Variants in CLEC1B observed in about 807,000 individuals in gnomAD.
CLEC1B encodes C-type lectin domain family 1 member B.
Under a neutral mutation model 26.7 loss-of-function variants are expected in CLEC1B, and 26 were observed. That is an observed-to-expected ratio of 0.97 (90% CI 0.71 to 1.35). CLEC1B has a LOEUF of 1.35. Ranked by LOEUF, CLEC1B falls within the 40% of genes most tolerant of loss-of-function variation. The pLI, the probability that CLEC1B is intolerant of heterozygous loss-of-function variation, is 0.00. For synonymous variants in CLEC1B, 112 were observed against 96.0 expected, an observed-to-expected ratio of 1.17 and a Z score of -0.97; for missense variants, 293 against 282.6, an observed-to-expected ratio of 1.04 and a Z score of -0.26.
At chr12:9,995,889 A>G (rs2137238856) in intron 4 of CLEC1B, among the ~76,000 whole-genome samples, 1 of 152,278 alleles carries the variant, frequency 6.6e-6, no homozygotes, top group South Asian at 2.1e-4. Flanking sequence ...TGTCGAGGTT[A>G]AGCATTTTTC....
At chr12:10,000,960 A>G (rs1865151386), upstream of CLEC1B, among the ~76,000 whole-genome samples, 1 of 152,242 alleles carries the variant, frequency 6.6e-6, no homozygotes, top group African/African-American at 2.4e-5. Context: ...AACAGAGAGA[A>G]AAGAAAATGT....
rs755832714 is a variant in CLEC1B, at chr12:9,995,221, A to C, written c.464T>G (p.Leu155Ter). ...GCGAGATAATCCGACCCAACGAATTAAATGAGTCCTGGCTTTGATGTACTC... is the reference window on the plus strand; with the variant it reads ...GCGAGATAATCCGACCCAACGAATTCAATGAGTCCTGGCTTTGATGTACTC... Reference protein sequence around the residue: ...IVEYIKARTHLIRWVGLSRQK... With the variant: ...IVEYIKARTH The change falls in exon 5 of 6, where the codon TTA becomes TGA. Residue 155 changes from leucine to a stop codon, truncating the protein, a stop_gained. Transcript: ENST00000298527. LOFTEE classifies it high-confidence loss of function. 6.2e-7 allele frequency: 1 copy of C among 1,613,066 alleles called. No homozygotes were observed. The highest frequency in any genetic ancestry group is 1.1e-5 in the South Asian group (1 of 91,074).
chr12:9,994,077 A>G (rs1235411002), intron 5 of CLEC1B, among the ~76,000 whole-genome samples: 5 of 152,118 alleles, frequency 3.3e-5, no homozygotes. Flanking sequence ...CTGTATGGAT[A>G]TGGGTTTAAG....
intron 4 of CLEC1B, chr12:9,995,450 T>C (rs1865018933): frequency 3.8e-6 from 2 of 524,304 alleles, no homozygotes; most frequent in Admixed American, 5.7e-5. Flanking sequence ...ACAGGTAAAA[T>C]TGTACACAAA....
intron 4 of CLEC1B, 60 bp from the exon 5 acceptor site, chr12:9,995,306 G>C (rs1285984455): frequency 7.2e-7 from 1 of 1,398,044 alleles, no homozygotes; most frequent in East Asian, 2.3e-5. Context: ...TGGTATGATA[G>C]ACAAAGCTTC....
intron 4 of CLEC1B, chr12:9,995,554 G>A: frequency 2.8e-6 from 1 of 358,888 alleles, no homozygotes; most frequent in Non-Finnish European, 5.4e-6. Context: ...TACCAAATAT[G>A]ATTCAAAGGA....
upstream of CLEC1B, among the ~76,000 whole-genome samples, chr12:10,001,396 C>T (rs561071056): frequency 6.6e-6 from 1 of 152,340 alleles, no homozygotes; most frequent in African/African-American, 2.4e-5. Context: ...CTTTCCATTG[C>T]TTCATTCCTC....
intron 1 of CLEC1B, among the ~76,000 whole-genome samples, 195 bp from the exon 2 acceptor site, chr12:9,998,575 T>C (rs1158891774): frequency 2.9e-5 from 4 of 138,960 alleles, no homozygotes; most frequent in African/African-American, 2.7e-5. Flanking sequence ...ACATCCATTC[T>C]CATCTCCAAT....
intron 4 of CLEC1B, 84 bp from the exon 5 acceptor site, chr12:9,995,330 G>T: frequency 8.7e-7 from 1 of 1,152,506 alleles, no homozygotes; most frequent in Non-Finnish European, 1.3e-6. Context: ...ATAAGACGTT[G>T]GACAAAAAAT....
chr12:9,993,126 C>T lies in CLEC1B; in HGVS notation c.*17G>A. The T allele has an allele frequency of 6.2e-7, 1 of 1,602,526 alleles. No individual in the cohort carries two copies. ...CAATAAAGCCCTTATCTGTGTTATC[C>T]TGTCCACCTCTTTGCATTAAGGTAG... On this transcript the variant is annotated 3_prime_UTR_variant, in exon 6 of 6. Transcript: ENST00000298527.
chr12:9,997,411 G>A (rs1338578972), intron 2 of CLEC1B, 132 bp from the exon 3 acceptor site: 2 of 776,012 alleles, frequency 2.6e-6, no homozygotes, highest in Non-Finnish European at 4.0e-6. Flanking sequence ...ATGATTAAAT[G>A]AATGTTGAAA....
intron 5 of CLEC1B, among the ~76,000 whole-genome samples, chr12:9,994,639 T>C (rs1864986833): frequency 6.6e-6 from 1 of 152,078 alleles, no homozygotes; most frequent in African/African-American, 2.4e-5. Context: ...TGGAATTATC[T>C]TGTGAAATAC....
chr12:9,994,167 A>T (rs966797378), intron 5 of CLEC1B, among the ~76,000 whole-genome samples: 2 of 152,090 alleles, frequency 1.3e-5, no homozygotes, highest in Non-Finnish European at 2.9e-5. Flanking sequence ...CAGTGGAGAG[A>T]TGGTCATGGA....
rs747895438 is a variant in CLEC1B, at chr12:9,997,231, C to T, written c.212G>A (p.Gly71Glu). ...GCGCTTTGCTAATTGTTGCAGAGTT[C>T]CTGTGCGATTTTCATTCTCACCTTG... ...YLQGENENRT[G>E]TLQQLAKRFC... Residue 71 changes from glycine (G) to glutamate (E), a missense_variant, in exon 3 of 6, where the codon GGA (glycine) becomes GAA (glutamate). Gly to Glu is a moderately conservative substitution (Grantham distance 98). Coordinates refer to ENST00000298527, the MANE Select transcript of CLEC1B (RefSeq NM_016509.4). 1 of 1,613,612 alleles carries T rather than the reference C, an allele frequency of 6.2e-7. No homozygotes were observed. The highest frequency in any genetic ancestry group is 1.3e-5 in the African/African-American group (1 of 75,036).
At position 9,997,218 on chromosome 12, in the gene CLEC1B, T is replaced by C. The variant is rs748742795; in HGVS notation, c.225A>G (p.Gln75=). The change falls in exon 3 of 6, where the codon CAA becomes CAG. Residue 75 remains glutamine, a synonymous_variant. Transcript: ENST00000298527. The part of the protein sequence containing the change: ...ENENRTGTLQ[Q]LAKRFCQYVV... ...CATATTGACAGAAGCGCTTTGCTAATTGTTGCAGAGTTCCTGTGCGATTTT... is the reference window on the plus strand; with the variant it reads ...CATATTGACAGAAGCGCTTTGCTAACTGTTGCAGAGTTCCTGTGCGATTTT... 2 of 1,613,972 alleles carry C rather than the reference T, an allele frequency of 1.2e-6. No homozygotes were observed. The highest frequency in any genetic ancestry group is 2.2e-5 in the South Asian group (2 of 91,080).
chr12:9,995,761 C>T (rs776570835), intron 4 of CLEC1B: 14 of 194,510 alleles, frequency 7.2e-5, no homozygotes, highest in Admixed American at 3.2e-4. Context: ...TTATAAATAA[C>T]GTACATCTAC....
chr12:9,997,830 A>G (rs1018993505), intron 2 of CLEC1B, among the ~76,000 whole-genome samples: 10 of 152,222 alleles, frequency 6.6e-5, no homozygotes, highest in Admixed American at 5.2e-4. Flanking sequence ...GAATTACAGA[A>G]AGAAGAAATG....
chr12:9,997,135 A>G, intron 3 of CLEC1B, 25 bp downstream of exon 3: 3 of 1,613,500 alleles, frequency 1.9e-6, no homozygotes, highest in Non-Finnish European at 2.5e-6. Flanking sequence ...TGGAGAGATG[A>G]AGAGGTTAAA....
chr12:9,993,155 G>C lies in CLEC1B; in HGVS notation c.678C>G (p.Asp226Glu). The C allele has an allele frequency of 1.2e-6, 2 of 1,610,076 alleles. No individual in the cohort carries two copies. The highest frequency in any genetic ancestry group is 1.7e-6 in the Non-Finnish European group (2 of 1,177,916). ...CCACCTCTTTGCATTAAGGTAGTTG[G>C]TCCACCTTGGTCATGCCAGCCTTCC... is the stretch of plus-strand genomic sequence containing the variant. Reference protein sequence around the residue: ...CERKAGMTKVDQLP With the variant: ...CERKAGMTKVEQLP The change falls in exon 6 of 6, where the codon GAC becomes GAG. Residue 226 changes from aspartate to glutamate, a missense_variant. Transcript: ENST00000298527.
Sources: allele counts gnomAD v4.1 joint callset (sites outside exome capture counted in the v4.1 genomes callset), GRCh38; gene constraint gnomAD v4.1.1; transcripts MANE v1.5; gene names NCBI Gene and HGNC (gene_info 2026-07-23, HGNC 2026-07-21).